CCDC102B: variants seen among roughly 807,000 people sequenced by gnomAD.
CCDC102B encodes coiled-coil domain containing 102B, also known as coiled-coil domain-containing protein 102B.
CCDC102B carries 75 observed loss-of-function variants against 57.4 expected under a neutral mutation model. The ratio of observed to expected loss-of-function variants is 1.31; its 90% CI spans 1.08 to 1.58. The LOEUF (loss-of-function observed/expected upper bound fraction) is 1.58. CCDC102B is among the 40% of genes most tolerant of loss of function. CCDC102B has a pLI of 0.00. For synonymous variants in CCDC102B, 206 were observed against 201.9 expected, an observed-to-expected ratio of 1.02 and a Z score of -0.17; for missense variants, 636 against 582.6, an observed-to-expected ratio of 1.09 and a Z score of -0.94.
rs550058432 is a variant in CCDC102B at position 68,999,157 on chromosome 18, C to A, written c.1264-11777C>A. On this transcript the variant is annotated intron_variant, in intron 6 of 7. Transcript: ENST00000360242. ...TCCTGGAGTCATGTGAAGGAGCAAT[C>A]ATGGAAAGAGAAAAAAACACTGGAG... is the stretch of plus-strand genomic sequence containing the variant. 1.3e-4 allele frequency among the ~76,000 whole-genome samples: 20 copies of A among 151,462 alleles called. No individual in the cohort carries two copies. The South Asian group carries it at 3.1e-3, about 24-fold the overall frequency.
At chr18:69,002,810 T>C (rs1185121353) in intron 6 of CCDC102B, among the ~76,000 whole-genome samples, 2 of 152,182 alleles carry the variant, frequency 1.3e-5, no homozygotes, top group Admixed American at 6.6e-5. Flanking sequence ...CTCCAAACCA[T>C]TGAAACAAAA....
chr18:68,762,417 T>TC (rs2034283425), intron 2 of CCDC102B, among the ~76,000 whole-genome samples: 2 of 152,142 alleles, frequency 1.3e-5, no homozygotes, highest in Admixed American at 6.6e-5. Flanking sequence ...TGGTTTTTTT[T>TC]CTGTCCATTA....
At chr18:68,977,420 C>G (rs2050466876) in intron 6 of CCDC102B, among the ~76,000 whole-genome samples, 1 of 151,870 alleles carries the variant, frequency 6.6e-6, no homozygotes, top group South Asian at 2.1e-4. Flanking sequence ...CCCCTAGTCC[C>G]CCATGCCCTG....
chr18:68,788,316 G>A (rs1221729224), intron 2 of CCDC102B, among the ~76,000 whole-genome samples: 1 of 151,186 alleles, frequency 6.6e-6, no homozygotes, highest in Non-Finnish European at 1.5e-5. Flanking sequence ...TTGATTTGGG[G>A]TGGAGAGTTC....
At chr18:68,843,598 A>T (rs2037730973) in intron 3 of CCDC102B, among the ~76,000 whole-genome samples, 1 of 152,096 alleles carries the variant, frequency 6.6e-6, no homozygotes, top group Non-Finnish European at 1.5e-5. Context: ...TACAAATTTT[A>T]TATACTTTAG....
chr18:68,836,400 C>T (rs1260862842), intron 1 of CCDC102B, among the ~76,000 whole-genome samples: 3 of 151,942 alleles, frequency 2.0e-5, no homozygotes, highest in Non-Finnish European at 4.4e-5. Flanking sequence ...GAGGCTGAGG[C>T]GGGTGGATCA....
intron 1 of CCDC102B, among the ~76,000 whole-genome samples, chr18:68,819,091 A>C (rs944228782): frequency 2.0e-5 from 3 of 152,092 alleles, no homozygotes; most frequent in African/African-American, 7.2e-5. Context: ...TCTTCTCATG[A>C]ACAGAAATTC....
chr18:68,806,468 A>G (rs1025531008), intron 1 of CCDC102B, among the ~76,000 whole-genome samples: 1 of 152,158 alleles, frequency 6.6e-6, no homozygotes, highest in African/African-American at 2.4e-5. Context: ...TTTCAAGCAT[A>G]TATTTGCAAG....
chr18:68,965,522 A>G (rs2050146277), intron 6 of CCDC102B, among the ~76,000 whole-genome samples: 1 of 151,682 alleles, frequency 6.6e-6, no homozygotes, highest in Admixed American at 6.6e-5. Context: ...TGGCTTCTTT[A>G]AAATCCTTGT....
chr18:68,988,398 C>A (rs555036621), intron 6 of CCDC102B, among the ~76,000 whole-genome samples: 1 of 1,560 alleles, frequency 6.4e-4, no homozygotes, highest in South Asian at 0.033. Flanking sequence ...TGCTAGAGTG[C>A]GGAGGGTGGG....
chr18:68,814,230 A>G (rs981310512), intron 1 of CCDC102B, among the ~76,000 whole-genome samples: 4 of 152,192 alleles, frequency 2.6e-5, no homozygotes, highest in Non-Finnish European at 5.9e-5. Flanking sequence ...TTTTTTTGAC[A>G]TGGAGGAATT....
chr18:68,733,217 C>G (rs183559850), intron 2 of CCDC102B, among the ~76,000 whole-genome samples: 7 of 152,086 alleles, frequency 4.6e-5, no homozygotes, highest in East Asian at 1.9e-4. Flanking sequence ...CACACACACT[C>G]TCTTTGTCGT....
chr18:68,837,472 CA>C (rs1429994623), intron 2 of CCDC102B, 103 bp downstream of exon 2: 1 of 1,109,610 alleles, frequency 9.0e-7, no homozygotes, highest in East Asian at 2.4e-5. Context: ...ACTAGCCTGC[CA>C]GGGCTACCAT....
chr18:69,033,426 C>A (rs1411771161), intron 7 of CCDC102B, among the ~76,000 whole-genome samples: 1 of 152,074 alleles, frequency 6.6e-6, no homozygotes, highest in Non-Finnish European at 1.5e-5. Flanking sequence ...AAAGCCTCTG[C>A]ACATTAGCAG....
intron 6 of CCDC102B, among the ~76,000 whole-genome samples, chr18:68,963,112 A>T (rs1213853305): frequency 1.3e-5 from 2 of 152,000 alleles, no homozygotes; most frequent in East Asian, 3.9e-4. Flanking sequence ...ATAAAGATAA[A>T]ATTGAGATTT....
At chr18:68,832,108 G>GA (rs5825875) in intron 1 of CCDC102B, among the ~76,000 whole-genome samples, 19,679 of 148,290 alleles carry the variant, frequency 0.13, 1,409 homozygotes, top group East Asian at 0.36. Flanking sequence ...TGCTTTTTAG[G>GA]AAAAAAAAAA....
At chr18:68,741,410 C>T (rs1194448697) in intron 2 of CCDC102B, among the ~76,000 whole-genome samples, 1 of 152,080 alleles carries the variant, frequency 6.6e-6, no homozygotes, top group Non-Finnish European at 1.5e-5. Flanking sequence ...AAAGTTGATG[C>T]CTCTGTCACT....
In CCDC102B at chr18:68,836,876, A is replaced by G. The variant is rs779484643; in HGVS notation, c.113A>G (p.Asp38Gly). ...GTGGCACCTGCCTCACCCCCCAGGGATACCTGTAATACCTGCTTCCCACTT... is the reference window on the plus strand; with the variant it reads ...GTGGCACCTGCCTCACCCCCCAGGGGTACCTGTAATACCTGCTTCCCACTT... ...DMVAPASPPR[D>G]TCNTCFPLHG... is the part of the protein sequence containing the mutation. The change falls in exon 2 of 8, where the codon GAT (aspartate) becomes GGT (glycine). Residue 38 changes from aspartate to glycine, a missense_variant. Asp to Gly is a moderately conservative substitution (Grantham distance 94, BLOSUM62 -1). Coordinates refer to ENST00000360242, the MANE Select transcript of CCDC102B (RefSeq NM_024781.3). 6.3e-5 allele frequency: 102 copies of G among 1,614,030 alleles called. No homozygotes were observed. The highest frequency in any genetic ancestry group is 8.2e-5 in the Non-Finnish European group (97 of 1,180,024).
intron 1 of CCDC102B, among the ~76,000 whole-genome samples, chr18:68,826,717 T>C (rs2036918086): frequency 6.6e-6 from 1 of 152,176 alleles, no homozygotes; most frequent in Non-Finnish European, 1.5e-5. Context: ...TTTTACCCAA[T>C]TATTCTGAGG....
Sources: gnomAD v4.1 joint callset for allele counts (sites outside exome capture counted in the v4.1 genomes callset) on GRCh38, gnomAD v4.1.1 for gene constraint, MANE v1.5 for transcripts, NCBI Gene and HGNC (gene_info 2026-07-23, HGNC 2026-07-21) for gene names.